Variants in ZCWPW2 observed in about 807,000 individuals in gnomAD.
ZCWPW2 encodes zinc finger CW-type PWWP domain protein 2.
Under a neutral mutation model 46.6 loss-of-function variants are expected in ZCWPW2, and 45 were observed. The observed-to-expected ratio is 0.96, with a 90% CI of 0.76 to 1.24. ZCWPW2 has a LOEUF of 1.24. Ranked by LOEUF, ZCWPW2 falls within the 50% of genes most tolerant of loss-of-function variation. The pLI, the probability that ZCWPW2 is intolerant of heterozygous loss-of-function variation, is 0.00. For missense variants in ZCWPW2, 429 were observed against 403.9 expected, an observed-to-expected ratio of 1.06 and a Z score of -0.53; for synonymous variants, 152 against 137.1, an observed-to-expected ratio of 1.11 and a Z score of -0.76.
At position 28,386,697 on chromosome 3, in the gene ZCWPW2, T is replaced by G. The variant is rs147692030; in HGVS notation, c.-133-3801T>G. On this transcript the variant is annotated intron_variant, in intron 1 of 9. Transcript: ENST00000383768. ...TAAATAGCCTTTTATATTTCTATTT[T>G]TATGAGTTAAGGTTATATGATTATA... 1.0e-3 allele frequency among the ~76,000 whole-genome samples: 159 copies of G among 152,316 alleles called. 2 individuals are homozygous for G. The highest frequency in any genetic ancestry group is 3.7e-3 in the African/African-American group (155 of 41,580).
intron 3 of ZCWPW2, among the ~76,000 whole-genome samples, chr3:28,428,652 G>T (rs1308453188): frequency 6.6e-6 from 1 of 152,146 alleles, no homozygotes; most frequent in Admixed American, 6.5e-5. Context: ...ATCTTGAATT[G>T]TAATCCAAAC....
chr3:28,368,193 GA>G (rs1255005623), intron 1 of ZCWPW2, among the ~76,000 whole-genome samples: 7 of 152,240 alleles, frequency 4.6e-5, no homozygotes, highest in South Asian at 2.1e-4. Flanking sequence ...TCATTATGAT[GA>G]TAGCTGGTTA....
At chr3:28,358,630 A>G (rs1448739980) in intron 1 of ZCWPW2, among the ~76,000 whole-genome samples, 3 of 152,160 alleles carry the variant, frequency 2.0e-5, no homozygotes, top group Admixed American at 2.0e-4. Context: ...TATTTGGAAT[A>G]TGTACCAATA....
At chr3:28,421,344 G>A (rs78420769) in intron 3 of ZCWPW2, among the ~76,000 whole-genome samples, 2,347 of 152,198 alleles carry the variant, frequency 0.015, 68 homozygotes, top group African/African-American at 0.054. Flanking sequence ...TTCCTACTAA[G>A]CCTTTTCTGC....
In ZCWPW2 at chr3:28,516,270, TAA is replaced by T. The variant is rs1393532574; in HGVS notation, c.784+651_784+652del. Among the ~76,000 whole-genome samples the T allele has an allele frequency of 2.7e-5, 4 of 148,602 alleles. No individual in the cohort carries two copies. The East Asian group carries it at 7.9e-4, about 29-fold the overall frequency. ...GATTCCCTCTCAATAAATAAATAAA[TAA>T]ATAAATAAATAAATAAATAAATAAA... On this transcript the variant is annotated intron_variant, in intron 8 of 9. Coordinates refer to ENST00000383768, the MANE Select transcript of ZCWPW2 (RefSeq NM_001040432.4).
chr3:28,504,865 T>C (rs1700236474), intron 6 of ZCWPW2, among the ~76,000 whole-genome samples: 1 of 152,208 alleles, frequency 6.6e-6, no homozygotes, highest in Non-Finnish European at 1.5e-5. Context: ...CTGTCTGGAT[T>C]AGTCCTTAGT....
At chr3:28,376,383 A>G (rs1294066894) in intron 1 of ZCWPW2, among the ~76,000 whole-genome samples, 1 of 152,142 alleles carries the variant, frequency 6.6e-6, no homozygotes, top group Non-Finnish European at 1.5e-5. Flanking sequence ...ACATATTTTT[A>G]TATTACCCAT....
chr3:28,436,323 C>CTTTTTTTT (rs71087698), intron 4 of ZCWPW2, among the ~76,000 whole-genome samples: 191 of 116,798 alleles, frequency 1.6e-3, no homozygotes, highest in South Asian at 2.5e-3. Context: ...TCTTTTTTTT[C>CTTTTTTTT]TTTTTTTTTT....
At chr3:28,409,544 A>C (rs72901764) in intron 2 of ZCWPW2, among the ~76,000 whole-genome samples, 5 of 152,292 alleles carry the variant, frequency 3.3e-5, no homozygotes, top group African/African-American at 1.2e-4. Context: ...TAATTATGAC[A>C]AATTTTGAGG....
At position 28,460,695 on chromosome 3, in the gene ZCWPW2, A is replaced by G. The variant is rs553315838; in HGVS notation, c.493-18119A>G. Among the ~76,000 whole-genome samples, 8 of 152,324 alleles carry G rather than the reference A, an allele frequency of 5.3e-5. No homozygotes were observed. In the South Asian group the frequency reaches 1.7e-3, roughly 32 times the overall value. On this transcript the variant is annotated intron_variant, in intron 4 of 9. Transcript: ENST00000383768. ...GCAGAAATCCAATTTAAAGAAGACA[A>G]GATATCCTAGTGATTAAGTTTCTAC...
chr3:28,441,702 G>A (rs1016479816), intron 4 of ZCWPW2, among the ~76,000 whole-genome samples: 7 of 152,204 alleles, frequency 4.6e-5, no homozygotes, highest in Admixed American at 2.0e-4. Context: ...GCTTGAGCCC[G>A]ATCACATGTA....
At chr3:28,385,721 C>G (rs540598869) in intron 1 of ZCWPW2, among the ~76,000 whole-genome samples, 1 of 152,256 alleles carries the variant, frequency 6.6e-6, no homozygotes, top group Admixed American at 6.5e-5. Flanking sequence ...GACATCATAT[C>G]TTTGGGAGGC....
intron 3 of ZCWPW2, among the ~76,000 whole-genome samples, chr3:28,433,448 G>T (rs752122157): frequency 6.6e-6 from 1 of 152,102 alleles, no homozygotes; most frequent in Non-Finnish European, 1.5e-5. Context: ...TTACAGAATA[G>T]CTCCAAGACT....
intron 4 of ZCWPW2, among the ~76,000 whole-genome samples, chr3:28,474,641 A>G (rs111681219): frequency 1.4e-5 from 2 of 147,684 alleles, no homozygotes; most frequent in African/African-American, 2.5e-5. Context: ...GCGCGCGCAC[A>G]TGCGCATTTG....
intron 1 of ZCWPW2, among the ~76,000 whole-genome samples, chr3:28,351,145 T>A (rs1011006080): frequency 2.0e-4 from 30 of 151,116 alleles, no homozygotes; most frequent in African/African-American, 6.1e-4. Context: ...GCTTTAAAAA[T>A]ATATATATAT....
intron 4 of ZCWPW2, among the ~76,000 whole-genome samples, chr3:28,477,674 GAATT>G (rs1240598669): frequency 2.0e-5 from 3 of 152,092 alleles, no homozygotes; most frequent in African/African-American, 7.2e-5. Context: ...TTCATTCTCT[GAATT>G]AATTCAATAT....
At chr3:28,380,952 A>G (rs1220403306) in intron 1 of ZCWPW2, among the ~76,000 whole-genome samples, 3 of 44,910 alleles carry the variant, frequency 6.7e-5, no homozygotes, top group African/African-American at 3.4e-4. Context: ...ATATATATAT[A>G]TATATATATA....
chr3:28,405,447 G>A (rs962713759), intron 2 of ZCWPW2, among the ~76,000 whole-genome samples: 3 of 152,084 alleles, frequency 2.0e-5, no homozygotes, highest in African/African-American at 7.2e-5. Context: ...CAGAAAAAGC[G>A]TACATTGCTG....
chr3:28,455,550 C>A (rs1698390852), intron 4 of ZCWPW2, among the ~76,000 whole-genome samples: 1 of 150,888 alleles, frequency 6.6e-6, no homozygotes, highest in South Asian at 2.1e-4. Context: ...GTCATGAAAT[C>A]TTTGCCCATG....
Sources: gnomAD v4.1 joint callset for allele counts (sites outside exome capture counted in the v4.1 genomes callset) on GRCh38, gnomAD v4.1.1 for gene constraint, MANE v1.5 for transcripts, NCBI Gene and HGNC (gene_info 2026-07-23, HGNC 2026-07-21) for gene names.